ATP5MC1: variants seen among roughly 807,000 people sequenced by gnomAD.
ATP5MC1 encodes the protein ATP synthase F(0) complex subunit C1, mitochondrial.
A neutral mutation model predicts 12.1 loss-of-function variants in ATP5MC1; 4 were observed. The ratio of observed to expected loss-of-function variants is 0.33; its 90% CI spans 0.16 to 0.76. The LOEUF (loss-of-function observed/expected upper bound fraction) is 0.76. ATP5MC1 is among the 30% of genes least tolerant of loss of function. The pLI, the probability that ATP5MC1 is intolerant of heterozygous loss-of-function variation, is 0.61. For synonymous variants in ATP5MC1, 52 were observed against 66.0 expected (o/e 0.79, Z 1.03); for missense variants, 117 against 172.1 (o/e 0.68, Z 1.79).
rs1325740179 is a variant in ATP5MC1 at position 48,894,391 on chromosome 17, G to T, written c.59G>T (p.Gly20Val). 2.5e-6 allele frequency: 4 copies of T among 1,613,926 alleles called. No homozygotes were observed. The highest frequency in any genetic ancestry group is 3.4e-6 in the Non-Finnish European group (4 of 1,179,996). Residue 20 changes from glycine (G) to valine (V), a missense_variant, in exon 3 of 5, where the codon GGT (glycine) becomes GTT (valine). Coordinates refer to ENST00000393366, the MANE Select transcript of ATP5MC1 (RefSeq NM_005175.3). The part of the protein sequence containing the change: ...SPALIRCCTR[G>V]LIRPVSASFL... Reference sequence around the variant, plus strand: ...TTACAGATCCGCTGTTGTACCAGGGGTCTAATCAGGCCTGTGTCTGCCTCC... The same window carrying T: ...TTACAGATCCGCTGTTGTACCAGGGTTCTAATCAGGCCTGTGTCTGCCTCC...
At chr17:48,894,139 G>A in intron 2 of ATP5MC1, 1 of 482,946 alleles carries the variant, frequency 2.1e-6, no homozygotes, top group South Asian at 2.1e-5. Flanking sequence ...TGTGCCCAAA[G>A]AAGTGAACTT....
chr17:48,894,473 G>C (rs1309669763), intron 3 of ATP5MC1, 24 bp downstream of exon 3: 10 of 1,607,614 alleles, frequency 6.2e-6, no homozygotes, highest in Non-Finnish European at 8.5e-6. Context: ...AGCTCTCTTA[G>C]GAATGTTCCC....
chr17:48,893,763 A>C, intron 2 of ATP5MC1: 1 of 469,876 alleles, frequency 2.1e-6, no homozygotes, highest in South Asian at 3.0e-5. Context: ...GAACTTTTTA[A>C]AATCCTGATG....
Position 48,895,818 on chromosome 17 carries a change from T to C in ATP5MC1, c.*49T>C, listed in dbSNP as rs1311745479. The C allele has an allele frequency of 2.0e-6, 3 of 1,500,886 alleles. No individual in the cohort carries two copies. The Admixed American group carries it at 5.0e-5, about 25-fold the overall frequency. The allele number at this position is 1,500,886 out of a possible 1,614,324, so 93.0% of individuals were successfully genotyped here. A position where few individuals can be genotyped will look rare whatever the true frequency, so the allele number is the denominator to read the frequency against. ...CTGTTGCTACTGCAACTCCACACCA[T>C]TCTTGGTGCTGGGGTGTGTTAAGCT... On this transcript the variant is annotated 3_prime_UTR_variant, in exon 5 of 5. Coordinates refer to ENST00000393366, the MANE Select transcript of ATP5MC1 (RefSeq NM_005175.3).
At chr17:48,894,023 A>T in intron 2 of ATP5MC1, 1 of 247,374 alleles carries the variant, frequency 4.0e-6, no homozygotes, top group East Asian at 1.1e-4. Context: ...TTAGCAGAAT[A>T]AAATTTCCCC....
chr17:48,895,421 C>T (rs1237884689), intron 4 of ATP5MC1, 87 bp downstream of exon 4: 3 of 1,498,268 alleles, frequency 2.0e-6, no homozygotes, highest in Middle Eastern at 1.9e-4. Flanking sequence ...CTTCAGGAGC[C>T]TTCAGGTTGA....
intron 4 of ATP5MC1, 35 bp from the exon 5 acceptor site, chr17:48,895,620 C>T (rs749269562): frequency 6.3e-7 from 1 of 1,585,062 alleles, no homozygotes; most frequent in Non-Finnish European, 8.7e-7. Flanking sequence ...ACCCCTTCCT[C>T]TCCCTCAACT....
At chr17:48,893,216 A>G (rs1454544072) in intron 1 of ATP5MC1, 193 bp from the exon 2 acceptor site, 1 of 556,968 alleles carries the variant, frequency 1.8e-6, no homozygotes, top group African/African-American at 1.9e-5. Context: ...TCCGATCTCC[A>G]TGACTTTGCT....
At position 48,895,811 on chromosome 17, in the gene ATP5MC1, C is replaced by T. The variant is rs768099372; in HGVS notation, c.*42C>T. ...CACCGGCCTGTTGCTACTGCAACTCCACACCATTCTTGGTGCTGGGGTGTG... is the reference window on the plus strand; with the variant it reads ...CACCGGCCTGTTGCTACTGCAACTCTACACCATTCTTGGTGCTGGGGTGTG... On this transcript the variant is annotated 3_prime_UTR_variant, in exon 5 of 5. Coordinates refer to ENST00000393366, the MANE Select transcript of ATP5MC1 (RefSeq NM_005175.3). The T allele has an allele frequency of 5.3e-5, 81 of 1,529,384 alleles. No homozygotes were observed. Among genetic ancestry groups the T allele is most frequent in the Non-Finnish European group, 7.2e-5 (80 of 1,105,478 alleles). The allele number at this position is 1,529,384 out of a possible 1,614,324, so 94.7% of individuals were successfully genotyped here.
At chr17:48,893,348 T>G in intron 1 of ATP5MC1, 61 bp from the exon 2 acceptor site, 3 of 1,575,808 alleles carry the variant, frequency 1.9e-6, no homozygotes, top group Non-Finnish European at 2.6e-6. Context: ...AAGGTCGTCA[T>G]TATAAGCAAA....
chr17:48,893,114 G>T (rs2040544185), intron 1 of ATP5MC1: 5 of 425,160 alleles, frequency 1.2e-5, no homozygotes, highest in South Asian at 1.1e-4. Flanking sequence ...GATCCTGCGC[G>T]ACACCTGCCC....
intron 3 of ATP5MC1, chr17:48,894,822 G>A (rs889081367): frequency 5.6e-6 from 3 of 540,414 alleles, no homozygotes; most frequent in Non-Finnish European, 1.1e-5. Context: ...GGGTCCTTCA[G>A]CTTAAGTTGC....
In ATP5MC1 at chr17:48,894,373, T is replaced by A. The variant is rs907545065; in HGVS notation, c.41T>A (p.Ile14Asn). Residue 14 changes from isoleucine to asparagine, a missense_variant and splice_region_variant, in exon 3 of 5, where the codon ATC (isoleucine) becomes AAC (asparagine). Coordinates refer to ENST00000393366, the MANE Select transcript of ATP5MC1 (RefSeq NM_005175.3). ...AGALFISPAL[I>N]RCCTRGLIRP... ...GGATGTGGCTTTCTGATTTTACAGA[T>A]CCGCTGTTGTACCAGGGGTCTAATC... 2.5e-6 allele frequency: 4 copies of A among 1,613,924 alleles called. No homozygotes were observed. In the Admixed American group the frequency reaches 5.0e-5, roughly 20 times the overall value.
intron 2 of ATP5MC1, chr17:48,893,930 TG>T: frequency 4.9e-6 from 1 of 206,170 alleles, no homozygotes; most frequent in South Asian, 8.6e-5. Flanking sequence ...ATGTTACAGA[TG>T]GCTCTCCTTG....
chr17:48,893,837 G>C, intron 2 of ATP5MC1: 1 of 266,850 alleles, frequency 3.7e-6, no homozygotes, highest in Non-Finnish European at 7.1e-6. Flanking sequence ...CCAGGCATCT[G>C]TATCTTTTAA....
intron 1 of ATP5MC1, 46 bp from the exon 2 acceptor site, chr17:48,893,363 C>G: frequency 3.7e-6 from 6 of 1,601,580 alleles, no homozygotes; most frequent in Non-Finnish European, 5.1e-6. Context: ...AGCAAACAAC[C>G]AGGGTCTCAG....
intron 4 of ATP5MC1, 41 bp downstream of exon 4, chr17:48,895,375 C>T: frequency 3.2e-6 from 5 of 1,547,046 alleles, no homozygotes; most frequent in African/African-American, 1.4e-5. Flanking sequence ...CTGTAAATTC[C>T]ACCCCGTTTG....
chr17:48,895,119 C>T (rs1408050173), intron 3 of ATP5MC1, 37 bp from the exon 4 acceptor site: 1 of 397,186 alleles, frequency 2.5e-6, no homozygotes, highest in Admixed American at 5.2e-5. Context: ...GCCATACTAT[C>T]TCTCTGCTAT....
rs1482285307 is a variant in ATP5MC1 at position 48,892,815 on chromosome 17, C to CT, written c.-104dup. On this transcript the variant is annotated 5_prime_UTR_variant, in exon 1 of 5. Transcript: ENST00000393366. Reference sequence around the variant, plus strand: ...ACACGTGGGTGGGGGAAGCTGAGCGCTGAGACCAAGGGCTAAAGCTGGGAG... The same window carrying CT: ...ACACGTGGGTGGGGGAAGCTGAGCGCTTGAGACCAAGGGCTAAAGCTGGGAG... 6.5e-6 allele frequency: 1 copy of CT among 153,156 alleles called. No individual in the cohort carries two copies. The highest frequency in any genetic ancestry group is 2.4e-5 in the African/African-American group (1 of 41,390). The allele number at this position is 153,156 out of a possible 1,614,324, so 9.5% of individuals were successfully genotyped here.
Sources: allele counts gnomAD v4.1 joint callset, GRCh38; gene constraint gnomAD v4.1.1; transcripts MANE v1.5; gene names NCBI Gene and HGNC (gene_info 2026-07-23, HGNC 2026-07-21).